The following BIRC6 variants were observed in gnomAD, a reference collection of about 807,000 sequenced individuals.
The protein encoded by BIRC6 is baculoviral IAP repeat containing 6, also known as dual E2 ubiquitin-conjugating enzyme/E3 ubiquitin-protein ligase BIRC6.
Under a neutral mutation model 503.3 loss-of-function variants are expected in BIRC6, and 98 were observed. The ratio of observed to expected loss-of-function variants is 0.19; its 90% confidence interval spans 0.17 to 0.23. The LOEUF (loss-of-function observed/expected upper bound fraction) is 0.23. BIRC6 is among the 10% of genes least tolerant of loss of function. BIRC6 has a pLI of 1.00. For synonymous variants in BIRC6, 2,240 were observed against 2,078.7 expected (o/e 1.08, Z -2.11); for missense variants, 5,360 against 5,806.0 (o/e 0.92, Z 2.50).
Position 32,441,338 on chromosome 2 carries a change from T to A in BIRC6, c.3820T>A (p.Ser1274Thr). ...TATTTGTAATGTTTAGGAAAAATCATCTAATGTTAAGAATGAAAATACAAG... is the reference window on the plus strand; with the variant it reads ...TATTTGTAATGTTTAGGAAAAATCAACTAATGTTAAGAATGAAAATACAAG... ...AKVAAGKEKSSNVKNENTSGT... is the reference protein window; with the variant it reads ...AKVAAGKEKSTNVKNENTSGT... The change falls in exon 17 of 74, where the codon TCT becomes ACT. Residue 1274 changes from serine (S) to threonine (T), a missense_variant. Physicochemically the swap from Ser to Thr is moderately conservative, Grantham distance 58. Around this residue, in one of 16 missense-constraint regions of BIRC6, gnomAD observed 2,299 missense variants for 2,267.2 expected, o/e 1.01. Coordinates refer to ENST00000421745, the MANE Select transcript of BIRC6 (RefSeq NM_016252.4). 1 of 1,569,648 alleles carries A rather than the reference T, an allele frequency of 6.4e-7. No individual in the cohort carries two copies. Among genetic ancestry groups the A allele is most frequent in the Non-Finnish European group, 8.7e-7 (1 of 1,149,016 alleles).
At chr2:32,377,800 C>T (rs780360068) in intron 2 of BIRC6, 31 bp downstream of exon 2, 1 of 1,559,508 alleles carries the variant, frequency 6.4e-7, no homozygotes, top group Non-Finnish European at 8.7e-7. Flanking sequence ...ATGTGGTCCT[C>T]TACTTAATGT....
rs767343073 is a variant in BIRC6, at chr2:32,448,829, C to T, written c.4519C>T (p.Leu1507Phe). ...GLYSSPFDPVLFDLEMSGSSC... is the reference protein window; with the variant it reads ...GLYSSPFDPVFFDLEMSGSSC... ...ATATAGCTCACCATTTGATCCAGTCCTCTTTGATTTGGAGATGAGTGGCTC... is the reference window on the plus strand; with the variant it reads ...ATATAGCTCACCATTTGATCCAGTCTTCTTTGATTTGGAGATGAGTGGCTC... The change falls in exon 22 of 74, where the codon CTC (leucine) becomes TTC (phenylalanine). Residue 1507 changes from leucine (L) to phenylalanine (F), a missense_variant. By Grantham distance (22) the Leu-to-Phe change is conservative (BLOSUM62 0). Coordinates refer to ENST00000421745, the MANE Select transcript of BIRC6 (RefSeq NM_016252.4). 1 of 1,613,134 alleles carries T rather than the reference C, an allele frequency of 6.2e-7. No homozygotes were observed. Among genetic ancestry groups the T allele is most frequent in the Non-Finnish European group, 8.5e-7 (1 of 1,179,392 alleles).
Position 32,389,007 on chromosome 2 carries a change from G to A in BIRC6, c.839+64G>A, listed in dbSNP as rs573635715. ...TTGATTAGTTTTTGCATTAAACAAG[G>A]AATAACTAGAAAATCTGGTTATGAT... On this transcript the variant is annotated intron_variant, in intron 4 of 73. Transcript: ENST00000421745. 29 of 1,054,860 alleles carry A rather than the reference G, an allele frequency of 2.7e-5. No homozygotes were observed. The East Asian group carries it at 4.5e-4, about 16-fold the overall frequency. The allele number at this position is 1,054,860 out of a possible 1,614,324, so 65.3% of individuals were successfully genotyped here. A position where few individuals can be genotyped will look rare whatever the true frequency, so the allele number is the denominator to read the frequency against.
chr2:32,445,304 T>C (rs1298678303), intron 20 of BIRC6, among the ~76,000 whole-genome samples: 2 of 152,248 alleles, frequency 1.3e-5, no homozygotes, highest in Admixed American at 1.3e-4. Context: ...AAATTCTTAG[T>C]GTAAGACTGT....
intron 22 of BIRC6, among the ~76,000 whole-genome samples, chr2:32,450,124 A>C (rs1208508386): frequency 1.3e-5 from 2 of 152,234 alleles, no homozygotes; most frequent in Non-Finnish European, 2.9e-5. Context: ...GTTCATTCCA[A>C]GCTCTGAGGT....
chr2:32,412,423 G>A (rs1265152986), intron 9 of BIRC6, among the ~76,000 whole-genome samples: 2 of 152,036 alleles, frequency 1.3e-5, no homozygotes, highest in Non-Finnish European at 2.9e-5. Flanking sequence ...CTTGAACCTG[G>A]GTGGCAGAGG....
chr2:32,375,123 T>C (rs781256387), intron 1 of BIRC6, among the ~76,000 whole-genome samples: 14 of 152,200 alleles, frequency 9.2e-5, no homozygotes, highest in Non-Finnish European at 2.1e-4. Context: ...ATTTTAAAAA[T>C]AAATTTTGGT....
chr2:32,596,927 A>G (rs2061713211), intron 68 of BIRC6, among the ~76,000 whole-genome samples: 3 of 152,218 alleles, frequency 2.0e-5, no homozygotes, highest in Admixed American at 2.0e-4. Flanking sequence ...ATTTAGAATC[A>G]TATGTCCAGA....
At chr2:32,512,696 T>A (rs960645019) in intron 53 of BIRC6, among the ~76,000 whole-genome samples, 15 of 152,302 alleles carry the variant, frequency 9.8e-5, no homozygotes, top group African/African-American at 3.6e-4. Flanking sequence ...TAGTATGTTA[T>A]CTCAAACCTT....
At chr2:32,456,236 G>A (rs1574338865) in intron 23 of BIRC6, among the ~76,000 whole-genome samples, 1 of 152,118 alleles carries the variant, frequency 6.6e-6, no homozygotes, top group South Asian at 2.1e-4. Context: ...CTTGAACAGT[G>A]GTTGAGTAAG....
At chr2:32,359,339 T>G (rs779955832) in intron 1 of BIRC6, among the ~76,000 whole-genome samples, 125 of 152,300 alleles carry the variant, frequency 8.2e-4, no homozygotes, top group Non-Finnish European at 3.5e-4. Context: ...CTGGAGGCCA[T>G]GTTTGAGAAT....
chr2:32,579,429 C>T (rs2060513177), intron 66 of BIRC6, among the ~76,000 whole-genome samples: 1 of 152,048 alleles, frequency 6.6e-6, no homozygotes, highest in Non-Finnish European at 1.5e-5. Flanking sequence ...GAATCTGGAT[C>T]CCAGTGCCAG....
intron 57 of BIRC6, among the ~76,000 whole-genome samples, chr2:32,524,455 C>A (rs1481984975): frequency 1.3e-5 from 2 of 152,106 alleles, no homozygotes; most frequent in African/African-American, 2.4e-5. Flanking sequence ...CCCATATTTG[C>A]CATATACAGA....
At position 32,416,033 on chromosome 2, in the gene BIRC6, A is replaced by T. The variant is rs748998075; in HGVS notation, c.2742A>T (p.Ile914=). 6 of 1,613,964 alleles carry T rather than the reference A, an allele frequency of 3.7e-6. No individual in the cohort carries two copies. In the South Asian group the frequency reaches 6.6e-5, roughly 18 times the overall value. The stretch of plus-strand genomic sequence containing the variant: ...CCACTCAGGGAGGATATGTAAAAAT[A>T]CTAGATCTTTCAAACTTTGAAATTT... ...VITTQGGYVK[I]LDLSNFEILA... Residue 914 remains isoleucine (I), a synonymous_variant, in exon 10 of 74, where the codon ATA becomes ATT. Transcript: ENST00000421745.
chr2:32,361,627 A>G (rs1176302278), intron 1 of BIRC6, among the ~76,000 whole-genome samples: 1 of 152,210 alleles, frequency 6.6e-6, no homozygotes, highest in Non-Finnish European at 1.5e-5. Context: ...TTGTACTATC[A>G]TAAAGAATAG....
intron 45 of BIRC6, 143 bp from the exon 46 acceptor site, chr2:32,499,404 A>T (rs758229566): frequency 2.8e-6 from 2 of 704,214 alleles, no homozygotes; most frequent in Non-Finnish European, 4.4e-6. Flanking sequence ...GAAATAGTGA[A>T]TATCAAGAAT....
chr2:32,592,321 T>C (rs530954130), intron 66 of BIRC6, among the ~76,000 whole-genome samples: 1 of 152,228 alleles, frequency 6.6e-6, no homozygotes, highest in Non-Finnish European at 1.5e-5. Flanking sequence ...TGACATATTA[T>C]ACCTCTTCAG....
intron 1 of BIRC6, among the ~76,000 whole-genome samples, chr2:32,362,263 G>T (rs2034216811): frequency 1.3e-5 from 2 of 151,398 alleles, no homozygotes; most frequent in Admixed American, 1.3e-4. Context: ...ACATGATGTT[G>T]AGCATCTTTT....
chr2:32,501,645 A>C, intron 46 of BIRC6, 68 bp from the exon 47 acceptor site: 1 of 1,348,994 alleles, frequency 7.4e-7, no homozygotes, highest in Non-Finnish European at 1.0e-6. Context: ...TGTTGAGATT[A>C]CAGGCATGAG....
Sources: gnomAD v4.1 joint callset for allele counts (sites outside exome capture counted in the v4.1 genomes callset) on GRCh38, gnomAD v4.1.1 for gene constraint, gnomAD v4.1.1 regional missense constraint, MANE v1.5 for transcripts, NCBI Gene and HGNC (gene_info 2026-07-23, HGNC 2026-07-21) for gene names.